Variants in HCN1 observed in about 807,000 individuals in gnomAD.
HCN1 encodes the protein hyperpolarization activated cyclic nucleotide gated potassium channel 1.
In HCN1, 13 loss-of-function variants were observed where a neutral mutation model predicts 78.9. The observed-to-expected ratio is 0.16, with a 90% CI of 0.11 to 0.26. The LOEUF (loss-of-function observed/expected upper bound fraction) is 0.26, where lower values mean the gene tolerates loss of function less well. Ranked by LOEUF, HCN1 falls within the 10% of genes least tolerant of loss-of-function variation. HCN1 has a pLI of 1.00. For missense variants in HCN1, 810 were observed against 1,154.3 expected (o/e 0.70, Z 4.32); for synonymous variants, 552 against 455.5 (o/e 1.21, Z -2.70).
At chr5:45,597,412 C>T (rs1214742737) in intron 2 of HCN1, among the ~76,000 whole-genome samples, 1 of 152,130 alleles carries the variant, frequency 6.6e-6, no homozygotes, top group Non-Finnish European at 1.5e-5. Flanking sequence ...ATTGATAGAA[C>T]ATATCTCAAA....
At chr5:45,539,691 T>TA (rs1561193842) in intron 2 of HCN1, among the ~76,000 whole-genome samples, 3 of 148,630 alleles carry the variant, frequency 2.0e-5, no homozygotes, top group Non-Finnish European at 4.5e-5. Flanking sequence ...AACAATATTT[T>TA]AAAAAATATT....
At chr5:45,682,274 T>C (rs906937310) in intron 1 of HCN1, among the ~76,000 whole-genome samples, 19 of 105,652 alleles carry the variant, frequency 1.8e-4, no homozygotes, top group African/African-American at 7.5e-4. Context: ...TATATATACA[T>C]ATATATATAT....
At chr5:45,529,181 T>C (rs1430805326) in intron 2 of HCN1, among the ~76,000 whole-genome samples, 1 of 152,032 alleles carries the variant, frequency 6.6e-6, no homozygotes, top group Non-Finnish European at 1.5e-5. Context: ...TCTGGTTCAA[T>C]GCATCCAAGA....
chr5:45,372,935 A>G lies in HCN1; in HGVS notation c.1231-19689T>C, dbSNP rs528741140. Among the ~76,000 whole-genome samples the G allele has an allele frequency of 4.6e-3, 651 of 142,228 alleles. 7 individuals are homozygous for G. Among genetic ancestry groups the G allele is most frequent in the African/African-American group, 0.014 (542 of 39,758 alleles). The allele number at this position is 142,228 out of a possible 152,430, so 93.3% of individuals were successfully genotyped here. A position where few individuals can be genotyped will look rare whatever the true frequency, so the allele number is the denominator to read the frequency against. On this transcript the variant is annotated intron_variant, in intron 4 of 7. Transcript: ENST00000303230. ...ATAAAAATATACACGTATTTTATAC[A>G]TAAAAATATATAAGTATTTTATACA...
chr5:45,429,725 T>G (rs936024651), intron 3 of HCN1, among the ~76,000 whole-genome samples: 1 of 152,132 alleles, frequency 6.6e-6, no homozygotes, highest in African/African-American at 2.4e-5. Context: ...TGAGTGGCTG[T>G]GGTAGGCTGG....
intron 5 of HCN1, among the ~76,000 whole-genome samples, chr5:45,333,740 ACTAT>A (rs1183565466): frequency 2.6e-5 from 4 of 151,700 alleles, no homozygotes; most frequent in Non-Finnish European, 5.9e-5. Context: ...TATTGAAGAG[ACTAT>A]CTATTCCCCA....
intron 2 of HCN1, among the ~76,000 whole-genome samples, chr5:45,472,768 G>A (rs1016331790): frequency 2.6e-5 from 4 of 151,918 alleles, no homozygotes; most frequent in African/African-American, 7.2e-5. Flanking sequence ...TCACATGTCT[G>A]TAATAAAGTA....
At chr5:45,322,434 AT>A (rs1189822129) in intron 5 of HCN1, among the ~76,000 whole-genome samples, 1 of 151,832 alleles carries the variant, frequency 6.6e-6, no homozygotes, top group Non-Finnish European at 1.5e-5. Context: ...CAACAACCCA[AT>A]GAAACACAGG....
chr5:45,511,869 G>A (rs1309977334), intron 2 of HCN1, among the ~76,000 whole-genome samples: 1 of 151,976 alleles, frequency 6.6e-6, no homozygotes, highest in Admixed American at 6.6e-5. Context: ...AGAGTAAGAT[G>A]TTAATAAATA....
chr5:45,676,233 G>T (rs1430661790), intron 1 of HCN1, among the ~76,000 whole-genome samples: 1 of 151,370 alleles, frequency 6.6e-6, no homozygotes, highest in African/African-American at 2.4e-5. Context: ...CATGAATATT[G>T]CCTATGACAT....
intron 2 of HCN1, among the ~76,000 whole-genome samples, chr5:45,497,603 C>A (rs533468326): frequency 1.3e-5 from 2 of 152,060 alleles, no homozygotes; most frequent in East Asian, 3.9e-4. Flanking sequence ...TGTCTCTGCA[C>A]GTGAGATGGG....
At chr5:45,342,732 G>T (rs1000040821) in intron 5 of HCN1, among the ~76,000 whole-genome samples, 6 of 152,064 alleles carry the variant, frequency 3.9e-5, no homozygotes, top group African/African-American at 1.4e-4. Context: ...AACTTTTAGT[G>T]GGTACAGAAA....
At chr5:45,481,426 G>A (rs1188348174) in intron 2 of HCN1, among the ~76,000 whole-genome samples, 1 of 152,120 alleles carries the variant, frequency 6.6e-6, no homozygotes, top group Non-Finnish European at 1.5e-5. Context: ...AACTAAGAAG[G>A]CAATGGATGC....
intron 2 of HCN1, among the ~76,000 whole-genome samples, chr5:45,493,157 T>A (rs1741929112): frequency 6.6e-6 from 1 of 152,206 alleles, no homozygotes; most frequent in Admixed American, 6.6e-5. Context: ...ACTACTGAGT[T>A]TTTGCAGCTC....
At chr5:45,650,033 G>GT in intron 1 of HCN1, among the ~76,000 whole-genome samples, 1 of 152,012 alleles carries the variant, frequency 6.6e-6, no homozygotes, top group Non-Finnish European at 1.5e-5. Context: ...TATTTGAGAT[G>GT]TTTTTACATA....
At chr5:45,271,000 C>A (rs1427974795) in intron 6 of HCN1, among the ~76,000 whole-genome samples, 2 of 152,012 alleles carry the variant, frequency 1.3e-5, no homozygotes, top group African/African-American at 4.8e-5. Flanking sequence ...TATAGGTACA[C>A]ATTACTAAGT....
At chr5:45,308,094 C>CT (rs1561098235) in intron 5 of HCN1, among the ~76,000 whole-genome samples, 1 of 152,030 alleles carries the variant, frequency 6.6e-6, no homozygotes, top group Non-Finnish European at 1.5e-5. Flanking sequence ...AGTTCTCACT[C>CT]TATTAGTTTT....
intron 5 of HCN1, among the ~76,000 whole-genome samples, chr5:45,317,006 T>C (rs1368286980): frequency 6.6e-6 from 1 of 152,156 alleles, no homozygotes; most frequent in Non-Finnish European, 1.5e-5. Flanking sequence ...AACTTATTGA[T>C]TCAATGCCAT....
At chr5:45,529,627 C>A (rs564979175) in intron 2 of HCN1, among the ~76,000 whole-genome samples, 4 of 151,698 alleles carry the variant, frequency 2.6e-5, no homozygotes, top group African/African-American at 4.8e-5. Flanking sequence ...GTGTCTTTGG[C>A]GGAATACCAA....
Sources: gnomAD v4.1 joint callset for allele counts (sites outside exome capture counted in the v4.1 genomes callset) on GRCh38, gnomAD v4.1.1 for gene constraint, MANE v1.5 for transcripts, NCBI Gene and HGNC (gene_info 2026-07-23, HGNC 2026-07-21) for gene names.